The following ROBO2 variants were observed in gnomAD, a reference collection of about 807,000 sequenced individuals.
ROBO2 encodes the protein roundabout homolog 2.
In ROBO2, 53 loss-of-function variants were observed where a neutral mutation model predicts 160.8. The ratio of observed to expected loss-of-function variants is 0.33; its 90% CI spans 0.26 to 0.41. ROBO2 has a LOEUF of 0.41. Among genes scored for constraint, ROBO2 ranks in the 10% least tolerant of loss-of-function variants. The pLI, the probability that ROBO2 is intolerant of heterozygous loss-of-function variation, is 1.00. For missense variants in ROBO2, 1,577 were observed against 1,722.4 expected (o/e 0.92, Z 1.49); for synonymous variants, 664 against 611.7 (o/e 1.09, Z -1.26).
intron 2 of ROBO2, among the ~76,000 whole-genome samples, chr3:76,754,083 C>G (rs1560502949): frequency 1.3e-5 from 2 of 151,658 alleles, no homozygotes; most frequent in Admixed American, 6.6e-5. Flanking sequence ...GCTGTATATT[C>G]AAAAGATAAA....
intron 2 of ROBO2, among the ~76,000 whole-genome samples, chr3:76,966,151 G>T (rs1286809733): frequency 1.3e-5 from 2 of 151,738 alleles, no homozygotes; most frequent in Non-Finnish European, 2.9e-5. Context: ...CGAACTCCCA[G>T]CCTCAGGTGA....
chr3:77,069,779 G>A (rs1223348219), intron 1 of ROBO2, among the ~76,000 whole-genome samples: 2 of 152,126 alleles, frequency 1.3e-5, no homozygotes, highest in Non-Finnish European at 2.9e-5. Context: ...TCCTTGAGGG[G>A]GAGAGACAAT....
intron 2 of ROBO2, among the ~76,000 whole-genome samples, chr3:76,340,830 T>C (rs1190370572): frequency 6.6e-6 from 1 of 152,158 alleles, no homozygotes; most frequent in Non-Finnish European, 1.5e-5. Flanking sequence ...AAAGTAACCA[T>C]CAGAGTTCTT....
At chr3:76,653,549 A>G (rs946633156) in intron 2 of ROBO2, among the ~76,000 whole-genome samples, 1 of 152,050 alleles carries the variant, frequency 6.6e-6, no homozygotes, top group Non-Finnish European at 1.5e-5. Flanking sequence ...ATGGAGGAAA[A>G]TGCTGATTCT....
intron 2 of ROBO2, among the ~76,000 whole-genome samples, chr3:77,032,086 C>A (rs983806462): frequency 3.9e-5 from 6 of 152,164 alleles, no homozygotes; most frequent in Admixed American, 6.5e-5. Flanking sequence ...AATTACCTCC[C>A]AAAGGCCCTA....
chr3:76,802,683 G>A (rs946348233), intron 2 of ROBO2, among the ~76,000 whole-genome samples: 11 of 149,810 alleles, frequency 7.3e-5, no homozygotes, highest in African/African-American at 1.5e-4. Flanking sequence ...AGCCAAGATG[G>A]CGTCACTGCA....
intron 2 of ROBO2, among the ~76,000 whole-genome samples, chr3:76,567,343 A>G (rs192904124): frequency 2.6e-5 from 4 of 152,150 alleles, no homozygotes; most frequent in African/African-American, 4.8e-5. Flanking sequence ...ATTTCATATC[A>G]TAAGTCATTC....
chr3:77,308,679 C>A (rs938617095), intron 2 of ROBO2, among the ~76,000 whole-genome samples: 8 of 152,068 alleles, frequency 5.3e-5, no homozygotes. Context: ...TTCAGTGAAA[C>A]GAGTGGGGCC....
chr3:75,981,191 G>T (rs1270572345), intron 2 of ROBO2, among the ~76,000 whole-genome samples: 1 of 151,482 alleles, frequency 6.6e-6, no homozygotes, highest in African/African-American at 2.4e-5. Flanking sequence ...TAGAGCATTA[G>T]CTTCACAGTG....
chr3:75,937,448 T>C, intron 1 of ROBO2: 2 of 1,206,588 alleles, frequency 1.7e-6, no homozygotes, highest in African/African-American at 3.0e-5. Flanking sequence ...TGTAATTTAT[T>C]GTACTTTCAC....
intron 1 of ROBO2, among the ~76,000 whole-genome samples, chr3:75,930,717 T>C (rs1253157573): frequency 6.6e-6 from 1 of 152,218 alleles, no homozygotes; most frequent in African/African-American, 2.4e-5. Context: ...CCAGCCATGC[T>C]AGATGCTTAT....
At chr3:76,335,186 T>G (rs1304108558) in intron 2 of ROBO2, among the ~76,000 whole-genome samples, 5 of 141,102 alleles carry the variant, frequency 3.5e-5, no homozygotes, top group Admixed American at 7.2e-5. Context: ...TTGTTTTTTT[T>G]TTTTTTTTTT....
chr3:76,587,529 C>G (rs2086125679), intron 2 of ROBO2, among the ~76,000 whole-genome samples: 1 of 152,054 alleles, frequency 6.6e-6, no homozygotes, highest in African/African-American at 2.4e-5. Context: ...AGGGGGAAGT[C>G]CCTTATAAAA....
intron 2 of ROBO2, among the ~76,000 whole-genome samples, chr3:76,464,453 A>G (rs1280652718): frequency 1.3e-5 from 2 of 152,000 alleles, no homozygotes; most frequent in African/African-American, 4.8e-5. Flanking sequence ...CTTTCTCCTA[A>G]TCCTACCCCT....
intron 2 of ROBO2, among the ~76,000 whole-genome samples, chr3:77,341,230 T>A (rs1168077587): frequency 1.3e-5 from 2 of 152,086 alleles, no homozygotes; most frequent in Admixed American, 6.6e-5. Context: ...TACTAGCATA[T>A]AAGAGGTTAA....
chr3:77,564,554 C>T (rs1008795980), intron 11 of ROBO2: 6 of 438,352 alleles, frequency 1.4e-5, no homozygotes, highest in African/African-American at 1.2e-4. Flanking sequence ...ACTCTGTAGT[C>T]CATTTATTCT....
At chr3:76,149,254 G>A (rs2072048610) in intron 2 of ROBO2, among the ~76,000 whole-genome samples, 1 of 152,088 alleles carries the variant, frequency 6.6e-6, no homozygotes, top group African/African-American at 2.4e-5. Flanking sequence ...TTTCTAAGAA[G>A]GGGTAGTCCT....
chr3:77,401,436 T>G (rs1271474295), intron 2 of ROBO2, among the ~76,000 whole-genome samples: 1 of 152,176 alleles, frequency 6.6e-6, no homozygotes, highest in Non-Finnish European at 1.5e-5. Context: ...ATACGCTAGA[T>G]GCAACTCAGA....
At chr3:76,773,519 G>A (rs974402853) in intron 2 of ROBO2, among the ~76,000 whole-genome samples, 1 of 150,522 alleles carries the variant, frequency 6.6e-6, no homozygotes, top group African/African-American at 2.4e-5. Context: ...GTCATTATTT[G>A]GATCTCACAA....
Sources: allele counts gnomAD v4.1 joint callset (sites outside exome capture counted in the v4.1 genomes callset), GRCh38; gene constraint gnomAD v4.1.1; transcripts MANE v1.5; gene names NCBI Gene and HGNC (gene_info 2026-07-23, HGNC 2026-07-21).